CPE: variants seen among roughly 807,000 people sequenced by gnomAD.
CPE encodes the protein carboxypeptidase E, also known as carbocypeptidase E.
CPE carries 17 observed loss-of-function variants against 53.5 expected under a neutral mutation model. That is an observed-to-expected ratio of 0.32 (90% confidence interval 0.22 to 0.48). The LOEUF is 0.48. Among genes scored for constraint, CPE ranks in the 20% least tolerant of loss-of-function variants. CPE has a pLI of 0.99. For missense variants in CPE, 524 were observed against 614.7 expected, an observed-to-expected ratio of 0.85 and a Z score of 1.56; for synonymous variants, 226 against 228.8, an observed-to-expected ratio of 0.99 and a Z score of 0.11.
At chr4:165,404,245 G>A (rs1180397820) in intron 1 of CPE, 9 of 764,058 alleles carry the variant, frequency 1.2e-5, no homozygotes, top group East Asian at 2.5e-5. Flanking sequence ...GCCCGAAGAC[G>A]GCTCCAATGT....
Position 165,379,260 on chromosome 4 carries a change from C to T in CPE, c.39C>T (p.Cys13=), listed in dbSNP as rs2126648184. The part of the protein sequence containing the change: ...GRGGSALLAL[C]GALAACGWLL... ...GGGGCAGCGCGCTGCTGGCTCTGTG[C>T]GGGGCACTGGCTGCCTGCGGGTGGC... Residue 13 remains cysteine, a synonymous_variant, in exon 1 of 9, where the codon TGC becomes TGT. Coordinates refer to ENST00000402744, the MANE Select transcript of CPE (RefSeq NM_001873.4). The surrounding 1 kb of genome is among the most constrained non-coding windows in gnomAD (Gnocchi z 6.0). 7.0e-7 allele frequency: 1 copy of T among 1,426,170 alleles called. No homozygotes were observed. The allele number at this position is 1,426,170 out of a possible 1,614,324, so 88.3% of individuals were successfully genotyped here. A position where few individuals can be genotyped will look rare whatever the true frequency, so the allele number is the denominator to read the frequency against.
chr4:165,497,609 A>T lies in CPE; in HGVS notation c.1430A>T (p.Ter477LeuextTer4), dbSNP rs1404286621. The T allele has an allele frequency of 1.3e-6, 2 of 1,550,286 alleles. No individual in the cohort carries two copies. The highest frequency in any genetic ancestry group is 1.7e-6 in the Non-Finnish European group (2 of 1,147,158). Reference sequence around the variant, plus strand: ...ATGATGTCAGAAACTTTAAATTTTTAAAAAGGCTTCTAGTTAGCTGCTTTA... The same window carrying T: ...ATGATGTCAGAAACTTTAAATTTTTTAAAAGGCTTCTAGTTAGCTGCTTTA... ...WKMMSETLNF[*>L] The change falls in exon 9 of 9, where the codon TAA (stop) becomes TTA (leucine). Residue 477 changes from the stop codon to leucine, a stop_lost. Coordinates refer to ENST00000402744, the MANE Select transcript of CPE (RefSeq NM_001873.4).
chr4:165,394,661 G>T (rs950728543), intron 1 of CPE, among the ~76,000 whole-genome samples: 23 of 147,248 alleles, frequency 1.6e-4, no homozygotes, highest in African/African-American at 6.2e-4. Flanking sequence ...GATTTCTTGG[G>T]CCCAGTAGTT....
intron 1 of CPE, among the ~76,000 whole-genome samples, chr4:165,403,775 G>C (rs1730909244): frequency 6.6e-6 from 1 of 151,810 alleles, no homozygotes; most frequent in Non-Finnish European, 1.5e-5. Context: ...GACAGGAACA[G>C]GCAAAGAGAT....
chr4:165,444,966 A>AT (rs1481913642), intron 1 of CPE, among the ~76,000 whole-genome samples: 4 of 147,956 alleles, frequency 2.7e-5, no homozygotes, highest in East Asian at 4.0e-4. Context: ...ATTTTTTTAA[A>AT]TTTTTTTTGA....
At chr4:165,482,180 T>C (rs1732425441) in intron 3 of CPE, 62 bp from the exon 4 acceptor site, 7 of 1,054,956 alleles carry the variant, frequency 6.6e-6, no homozygotes, top group African/African-American at 1.6e-5. Context: ...ATGTCTTTTC[T>C]GTCAAGTGAT....
At chr4:165,451,479 A>ATTATTTAT (rs200432846) in intron 1 of CPE, among the ~76,000 whole-genome samples, 7,221 of 150,430 alleles carry the variant, frequency 0.048, 214 homozygotes, top group East Asian at 0.13. Flanking sequence ...AGGTTTTATT[A>ATTATTTAT]TTATTTATTT....
chr4:165,396,608 T>A (rs1305583226), intron 1 of CPE, among the ~76,000 whole-genome samples: 1 of 147,700 alleles, frequency 6.8e-6, no homozygotes, highest in Non-Finnish European at 1.5e-5. Context: ...GAGGTGGAGG[T>A]TGCAGTGAGA....
Position 165,405,842 on chromosome 4 carries a change from G to A in CPE, c.307+26314G>A, listed in dbSNP as rs1181338342. On this transcript the variant is annotated intron_variant, in intron 1 of 8. Coordinates refer to ENST00000402744, the MANE Select transcript of CPE (RefSeq NM_001873.4). ...CCTCCTGCTCCTGGTAAGATCCCCA[G>A]CAAGACTTCAGGAGCACCGAATACT... 6 of 746,790 alleles carry A rather than the reference G, an allele frequency of 8.0e-6. No homozygotes were observed. In the African/African-American group the frequency reaches 1.0e-4, roughly 13 times the overall value. The allele number at this position is 746,790 out of a possible 1,614,324, so 46.3% of individuals were successfully genotyped here.
At chr4:165,463,793 G>C (rs1478474508) in intron 1 of CPE, among the ~76,000 whole-genome samples, 1 of 152,254 alleles carries the variant, frequency 6.6e-6, no homozygotes, top group East Asian at 1.9e-4. Flanking sequence ...GAGGCACGTA[G>C]TGTGTTATTA....
intron 6 of CPE, among the ~76,000 whole-genome samples, chr4:165,489,819 A>G (rs1344835852): frequency 6.6e-6 from 1 of 152,260 alleles, no homozygotes; most frequent in African/African-American, 2.4e-5. Context: ...ATATATAAAT[A>G]AGCTAAAAAG....
chr4:165,440,546 A>G (rs1731591731), intron 1 of CPE, among the ~76,000 whole-genome samples: 2 of 150,906 alleles, frequency 1.3e-5, no homozygotes, highest in South Asian at 4.2e-4. Flanking sequence ...ATTCATATGC[A>G]CACCATGGAA....
Position 165,473,807 on chromosome 4 carries a change from C to T in CPE, c.672+5952C>T, listed in dbSNP as rs114516521. 6.0e-3 allele frequency among the ~76,000 whole-genome samples: 914 copies of T among 152,340 alleles called. 6 individuals are homozygous for T. Among genetic ancestry groups the T allele is most frequent in the African/African-American group, 0.021 (858 of 41,578 alleles). On this transcript the variant is annotated intron_variant, in intron 3 of 8. Coordinates refer to ENST00000402744, the MANE Select transcript of CPE (RefSeq NM_001873.4). ...GGAGATTAGCACAGAGTAGGCAGCT[C>T]TTAAATCCCAAAGGGAAATTTATAA...
At chr4:165,445,751 T>C (rs1731703265) in intron 1 of CPE, among the ~76,000 whole-genome samples, 1 of 152,196 alleles carries the variant, frequency 6.6e-6, no homozygotes, top group Admixed American at 6.5e-5. Flanking sequence ...TTTTATTTTT[T>C]TAAGCAAAAA....
chr4:165,412,002 A>ACT (rs1257928087), intron 1 of CPE, among the ~76,000 whole-genome samples: 1 of 152,188 alleles, frequency 6.6e-6, no homozygotes, highest in African/African-American at 2.4e-5. Flanking sequence ...ATCATTGGTA[A>ACT]CTATTTTGGT....
At chr4:165,490,400 G>A (rs928556321) in intron 6 of CPE, among the ~76,000 whole-genome samples, 7 of 151,926 alleles carry the variant, frequency 4.6e-5, no homozygotes, top group Non-Finnish European at 1.0e-4. Flanking sequence ...TTGGGAGGCC[G>A]AGGCAGGCAG....
intron 1 of CPE, among the ~76,000 whole-genome samples, chr4:165,422,875 G>A (rs1731248574): frequency 6.6e-6 from 1 of 151,524 alleles, no homozygotes; most frequent in African/African-American, 2.4e-5. Context: ...TACTCGGGAG[G>A]CTGAGGCAGG....
At chr4:165,497,340 A>AT (rs1435182845) in intron 8 of CPE, among the ~76,000 whole-genome samples, 172 bp from the exon 9 acceptor site, 3 of 152,072 alleles carry the variant, frequency 2.0e-5, no homozygotes, top group Admixed American at 6.5e-5. Flanking sequence ...TTGCTTTTGA[A>AT]TTTTTTCCCC....
chr4:165,405,835 A>G (rs117449089), intron 1 of CPE: 40,356 of 748,222 alleles, frequency 0.054, 1,374 homozygotes, highest in East Asian at 0.096. Context: ...TCCTGGTAAG[A>G]TCCCCAGCAA....
Sources: gnomAD v4.1 joint callset for allele counts (sites outside exome capture counted in the v4.1 genomes callset) on GRCh38, gnomAD v4.1.1 for gene constraint, Gnocchi (gnomAD v3.1) non-coding constraint, MANE v1.5 for transcripts, NCBI Gene and HGNC (gene_info 2026-07-23, HGNC 2026-07-21) for gene names.